Variants in WNK4 observed in about 807,000 individuals in gnomAD.
WNK4 encodes serine/threonine-protein kinase WNK4.
A neutral mutation model predicts 116.2 loss-of-function variants in WNK4; 94 were observed. The ratio of observed to expected loss-of-function variants is 0.81; its 90% CI spans 0.68 to 0.96. The LOEUF is 0.96. Among genes scored for constraint, WNK4 ranks in the 40% least tolerant of loss-of-function variants. The pLI is 0.00. For missense variants in WNK4, 1,542 were observed against 1,650.6 expected (o/e 0.93, Z 1.14); for synonymous variants, 655 against 672.7 (o/e 0.97, Z 0.41).
At chr17:42,788,839 A>G in intron 11 of WNK4, 42 bp downstream of exon 11, 1 of 1,531,206 alleles carries the variant, frequency 6.5e-7, no homozygotes, top group Non-Finnish European at 9.1e-7. Context: ...TGGATCTGGA[A>G]CAAGAGTCTC....
chr17:42,780,902 G>T lies in WNK4; in HGVS notation c.204G>T (p.Gly68=), dbSNP rs200209645. ...RLSRRSSVDL[G]LLSSWSLPAS... is the part of the protein sequence containing the mutation. ...GCCGCCGTAGCTCAGTCGACTTGGG[G>T]CTGCTGAGCTCTTGGTCCCTGCCAG... The change falls in exon 1 of 19, where the codon GGG becomes GGT. Residue 68 remains glycine (G), a synonymous_variant. Coordinates refer to ENST00000246914, the MANE Select transcript of WNK4 (RefSeq NM_032387.5). The T allele has an allele frequency of 1.2e-5, 20 of 1,607,150 alleles. No homozygotes were observed. The highest frequency in any genetic ancestry group is 1.7e-5 in the Non-Finnish European group (20 of 1,179,674).
rs1297028628 is a variant in WNK4 at position 42,783,954 on chromosome 17, G to A, written c.809G>A (p.Arg270Gln). ...TCCCCCAGGTACCTGAGGCGGTTCC[G>A]GGAGATGAAGCCGCGGGTCCTTCAG... is the stretch of plus-strand genomic sequence containing the variant. ...GTLKTYLRRF[R>Q]EMKPRVLQRW... The change falls in exon 3 of 19, where the codon CGG becomes CAG. Residue 270 changes from arginine (R) to glutamine (Q), a missense_variant. Physicochemically the swap from Arg to Gln is conservative, Grantham distance 43 (BLOSUM62 1). Transcript: ENST00000246914. 1.9e-6 allele frequency: 3 copies of A among 1,613,474 alleles called. No homozygotes were observed. Among genetic ancestry groups the A allele is most frequent in the African/African-American group, 1.3e-5 (1 of 74,908 alleles).
chr17:42,785,349 G>A lies in WNK4; in HGVS notation c.1343G>A (p.Gly448Asp). The A allele has an allele frequency of 1.9e-6, 3 of 1,610,356 alleles. No individual in the cohort carries two copies. The highest frequency in any genetic ancestry group is 2.2e-5 in the South Asian group (2 of 90,386). The change falls in exon 6 of 19, where the codon GGC (glycine) becomes GAC (aspartate). Residue 448 changes from glycine (G) to aspartate (D), a missense_variant. Physicochemically the swap from Gly to Asp is moderately conservative, Grantham distance 94. Coordinates refer to ENST00000246914, the MANE Select transcript of WNK4 (RefSeq NM_032387.5). ...VHVELAEEDD[G>D]EKPGLKLWLR... is the part of the protein sequence containing the mutation. ...GTGGAACTAGCGGAGGAGGACGACG[G>A]CGAGAAGCCGGGCCTCAAGCTCTGG...
chr17:42,788,019 T>C, intron 8 of WNK4, 111 bp from the exon 9 acceptor site: 1 of 1,585,344 alleles, frequency 6.3e-7, no homozygotes, highest in Non-Finnish European at 8.7e-7. Flanking sequence ...ATTCTTGCCC[T>C]CCTCTTCCCT....
chr17:42,795,962 G>A lies in WNK4; in HGVS notation c.3360G>A (p.Leu1120=). The A allele has an allele frequency of 6.2e-7, 1 of 1,613,512 alleles. No individual in the cohort carries two copies. Among genetic ancestry groups the A allele is most frequent in the Non-Finnish European group, 8.5e-7 (1 of 1,179,956 alleles). Residue 1120 remains leucine, a synonymous_variant, in exon 16 of 19, where the codon TTG becomes TTA. Coordinates refer to ENST00000246914, the MANE Select transcript of WNK4 (RefSeq NM_032387.5). ...WMNYSYSSLC[L]SSEESESSGE... ...ACTACTCCTACAGCAGCCTGTGTTTGAGCAGCGAGGAGTCAGAAAGCAGTG... is the reference window on the plus strand; with the variant it reads ...ACTACTCCTACAGCAGCCTGTGTTTAAGCAGCGAGGAGTCAGAAAGCAGTG...
In WNK4 at chr17:42,788,473, C is replaced by G. The variant is rs61755605; in HGVS notation, c.2040+66C>G. ...CCAGGAGGGAAGTGTCAGGGGGAGG[C>G]GGGGGAGGTCACCCAGAAAACGGGA... On this transcript the variant is annotated intron_variant, in intron 10 of 18. Coordinates refer to ENST00000246914, the MANE Select transcript of WNK4 (RefSeq NM_032387.5). 1.2e-4 allele frequency: 189 copies of G among 1,518,328 alleles called. No homozygotes were observed. In the African/African-American group the frequency reaches 2.5e-3, roughly 20 times the overall value. 94.1% of individuals were successfully genotyped at this position (1,518,328 alleles called of 1,614,324 possible).
intron 11 of WNK4, among the ~76,000 whole-genome samples, chr17:42,792,228 G>A (rs2054614260): frequency 1.3e-5 from 2 of 152,308 alleles, no homozygotes; most frequent in South Asian, 2.1e-4. Flanking sequence ...ACAGTGTAAT[G>A]TAGAAGTGTC....
Position 42,793,707 on chromosome 17 carries a change from C to A in WNK4, c.2273C>A (p.Ala758Asp), listed in dbSNP as rs754979788. The A allele has an allele frequency of 9.3e-6, 15 of 1,614,002 alleles. No individual in the cohort carries two copies. The highest frequency in any genetic ancestry group is 5.5e-5 in the South Asian group (5 of 91,088). Residue 758 changes from alanine (A) to aspartate (D), a missense_variant, in exon 12 of 19, where the codon GCT becomes GAT. Physicochemically the swap from Ala to Asp is moderately radical, Grantham distance 126. Coordinates refer to ENST00000246914, the MANE Select transcript of WNK4 (RefSeq NM_032387.5). The part of the protein sequence containing the change: ...LKRDTGPMEA[A>D]EDTLSPQEEP... ...AGAGACACTGGCCCCATGGAGGCTGCTGAAGACACCCTAAGCCCCCAGGTC... is the reference window on the plus strand; with the variant it reads ...AGAGACACTGGCCCCATGGAGGCTGATGAAGACACCCTAAGCCCCCAGGTC...
rs77194532 is a variant in WNK4 at position 42,782,156 on chromosome 17, G to A, written c.619-602G>A. ...CGCCCCTTGCGCCTGCCAGTGCCGC[G>A]CCCCAGGCTCTGGGCCAGGCCAGGA... On this transcript the variant is annotated intron_variant, in intron 1 of 18. Transcript: ENST00000246914. The surrounding 1 kb of genome is among the most constrained non-coding windows in gnomAD (Gnocchi z 4.2). Among the ~76,000 whole-genome samples the A allele has an allele frequency of 1.6e-4, 24 of 150,240 alleles. No homozygotes were observed. In the East Asian group the frequency reaches 3.2e-3, roughly 20 times the overall value.
At chr17:42,789,891 A>C in intron 11 of WNK4, among the ~76,000 whole-genome samples, 1 of 151,898 alleles carries the variant, frequency 6.6e-6, no homozygotes. Flanking sequence ...CTGTCATCCC[A>C]ACTACTTGGG....
chr17:42,787,492 A>C lies in WNK4; in HGVS notation c.1691A>C (p.Asp564Ala), dbSNP rs137853094. Residue 564 changes from aspartate to alanine, a missense_variant, in exon 7 of 19, where the codon GAC becomes GCC. Around this residue, in one of 7 missense-constraint regions of WNK4, gnomAD observed 808 missense variants for 873.6 expected, o/e 0.92. Coordinates refer to ENST00000246914, the MANE Select transcript of WNK4 (RefSeq NM_032387.5). ...CCTGAGCCTGAGGAGCCAGAGGCAG[A>C]CCAGCACCAGCCCTTCCTTTTCCGC... ...FPPEPEEPEADQHQPFLFRHA... is the reference protein window; with the variant it reads ...FPPEPEEPEAAQHQPFLFRHA... 7.0e-7 allele frequency: 1 copy of C among 1,428,840 alleles called. No homozygotes were observed. Among genetic ancestry groups the C allele is most frequent in the South Asian group, 1.1e-5 (1 of 88,964 alleles). 88.5% of individuals were successfully genotyped at this position (1,428,840 alleles called of 1,614,324 possible).
chr17:42,783,840 G>A (rs540257944), intron 2 of WNK4, 97 bp from the exon 3 acceptor site: 13 of 1,178,068 alleles, frequency 1.1e-5, no homozygotes, highest in African/African-American at 6.1e-5. Flanking sequence ...ATGCGGAGGC[G>A]GCAGCAGGGT....
chr17:42,790,754 TAGG>T (rs1349850703), intron 11 of WNK4, among the ~76,000 whole-genome samples: 5 of 152,002 alleles, frequency 3.3e-5, no homozygotes, highest in Non-Finnish European at 7.4e-5. Context: ...TGGCTTTTGT[TAGG>T]AGATCTTTGT....
chr17:42,787,243 C>T, intron 6 of WNK4, 35 bp from the exon 7 acceptor site: 1 of 1,612,190 alleles, frequency 6.2e-7, no homozygotes, highest in Non-Finnish European at 8.5e-7. Context: ...TAGGGGGTCC[C>T]AAGCTGTGTT....
At position 42,782,363 on chromosome 17, in the gene WNK4, G is replaced by A. The variant is rs1174129575; in HGVS notation, c.619-395G>A. ...TGTTTCTGGGGCCAACCCCCTTGCCGGCCCCAATTCCCTGCCCGCAGTATC... is the reference window on the plus strand; with the variant it reads ...TGTTTCTGGGGCCAACCCCCTTGCCAGCCCCAATTCCCTGCCCGCAGTATC... On this transcript the variant is annotated intron_variant, in intron 1 of 18. Coordinates refer to ENST00000246914, the MANE Select transcript of WNK4 (RefSeq NM_032387.5). This position sits in a 1 kb window ranked among gnomAD's most constrained non-coding sequence, Gnocchi z 4.2. 3.9e-5 allele frequency among the ~76,000 whole-genome samples: 6 copies of A among 152,186 alleles called. No individual in the cohort carries two copies. In the South Asian group the frequency reaches 6.2e-4, roughly 16 times the overall value.
In WNK4 at chr17:42,780,862, G is replaced by C. The variant is rs955842877; in HGVS notation, c.164G>C (p.Arg55Pro). ...TCCGGGAAGGCTGAGCCCCGGCCGC[G>C]CTCTTCTCGTCTCAGCCGCCGTAGC... ...RFSGKAEPRP[R>P]SSRLSRRSSV... Residue 55 changes from arginine to proline, a missense_variant, in exon 1 of 19, where the codon CGC (arginine) becomes CCC (proline). By Grantham distance (103) the Arg-to-Pro change is moderately radical. This residue lies in a region of WNK4 where 243 missense variants were observed against 217.8 expected (regional missense o/e 1.12). Coordinates refer to ENST00000246914, the MANE Select transcript of WNK4 (RefSeq NM_032387.5). 8 of 1,603,474 alleles carry C rather than the reference G, an allele frequency of 5.0e-6. No individual in the cohort carries two copies. Among genetic ancestry groups the C allele is most frequent in the Non-Finnish European group, 6.8e-6 (8 of 1,179,094 alleles).
chr17:42,787,443 C>G lies in WNK4; in HGVS notation c.1642C>G (p.Pro548Ala), dbSNP rs371668464. The change falls in exon 7 of 19, where the codon CCC becomes GCC. Residue 548 changes from proline to alanine, a missense_variant. Pro to Ala is a conservative substitution (Grantham distance 27). This residue lies in a region of WNK4 where 808 missense variants were observed against 873.6 expected (regional missense o/e 0.92). Coordinates refer to ENST00000246914, the MANE Select transcript of WNK4 (RefSeq NM_032387.5). The part of the protein sequence containing the change: ...GPPPATVPMA[P>A]GPPSVFPPEP... Reference sequence around the variant, plus strand: ...TCCACCAGCAACTGTGCCCATGGCCCCCGGTCCCCCCAGTGTCTTCCCCCC... The same window carrying G: ...TCCACCAGCAACTGTGCCCATGGCCGCCGGTCCCCCCAGTGTCTTCCCCCC... The G allele has an allele frequency of 9.3e-6, 15 of 1,614,014 alleles. No homozygotes were observed. Among genetic ancestry groups the G allele is most frequent in the Non-Finnish European group, 1.2e-5 (14 of 1,179,992 alleles).
chr17:42,790,849 G>C (rs2144054966), intron 11 of WNK4, among the ~76,000 whole-genome samples: 1 of 152,190 alleles, frequency 6.6e-6, no homozygotes, highest in South Asian at 2.1e-4. Flanking sequence ...GAAACACCAG[G>C]CATCAGGAGC....
At chr17:42,786,115 G>GGGCA (rs1259983002) in intron 6 of WNK4, among the ~76,000 whole-genome samples, 1 of 152,172 alleles carries the variant, frequency 6.6e-6, no homozygotes, top group African/African-American at 2.4e-5. Context: ...CCTGCATAGG[G>GGGCA]GGCAGTTTTA....
Sources: allele counts gnomAD v4.1 joint callset (sites outside exome capture counted in the v4.1 genomes callset), GRCh38; gene constraint gnomAD v4.1.1; regional missense constraint gnomAD v4.1.1; non-coding constraint Gnocchi (gnomAD v3.1); transcripts MANE v1.5; gene names NCBI Gene and HGNC (gene_info 2026-07-23, HGNC 2026-07-21).